The following CDYL2 variants were observed in gnomAD, a reference collection of about 807,000 sequenced individuals.
The protein encoded by CDYL2 is chromodomain Y-like protein 2.
In CDYL2, 23 loss-of-function variants were observed where a neutral mutation model predicts 49.4. The ratio of observed to expected loss-of-function variants is 0.47; its 90% CI spans 0.34 to 0.66. CDYL2 has a LOEUF of 0.66. Among genes scored for constraint, CDYL2 ranks in the 30% least tolerant of loss-of-function variants. The probability of loss-of-function intolerance (pLI) is 0.01; values close to 1 mark genes in which losing one functional copy is unlikely to be tolerated. For synonymous variants in CDYL2, 360 were observed against 268.8 expected, an observed-to-expected ratio of 1.34 and a Z score of -3.32; for missense variants, 678 against 656.4, an observed-to-expected ratio of 1.03 and a Z score of -0.36.
intron 2 of CDYL2, chr16:80,671,045 A>G (rs955988037): frequency 8.8e-6 from 4 of 454,698 alleles, no homozygotes; most frequent in African/African-American, 2.0e-5. Context: ...CCTCTATGGC[A>G]TCCCTGACCC....
chr16:80,742,814 A>AT (rs76397474), intron 1 of CDYL2, among the ~76,000 whole-genome samples: 127,496 of 151,054 alleles, frequency 0.84, 55,328 homozygotes, highest in Non-Finnish European at 0.95. Context: ...AGACAGATGT[A>AT]AAATGAAAGA....
At chr16:80,651,882 G>C (rs1192491101) in intron 2 of CDYL2, among the ~76,000 whole-genome samples, 2 of 152,206 alleles carry the variant, frequency 1.3e-5, no homozygotes, top group East Asian at 3.8e-4. Context: ...TAAGTAAATG[G>C]ATTGCAGATG....
chr16:80,734,324 T>C lies in CDYL2; in HGVS notation c.25-49195A>G, dbSNP rs151193520. On this transcript the variant is annotated intron_variant, in intron 1 of 6. Coordinates refer to ENST00000570137, the MANE Select transcript of CDYL2 (RefSeq NM_152342.4). ...TACATGGAGTAGGACTTCGGGGTCA[T>C]AATCATCTTTGTGTCTGTACCATGA... Among the ~76,000 whole-genome samples, 375 of 152,332 alleles carry C rather than the reference T, an allele frequency of 2.5e-3. 1 individual carries two copies. The highest frequency in any genetic ancestry group is 7.7e-3 in the South Asian group (37 of 4,824).
chr16:80,620,792 C>T lies in CDYL2; in HGVS notation c.978G>A (p.Lys326=), dbSNP rs1328392916. 1.2e-6 allele frequency: 2 copies of T among 1,609,664 alleles called. No homozygotes were observed. The highest frequency in any genetic ancestry group is 1.7e-5 in the Admixed American group (1 of 59,686). ...LIGRLSSDRR[K]ESTRIAEAIR... is the part of the protein sequence containing the mutation. Reference sequence around the variant, plus strand: ...TGGCTTCTGCAATCCGAGTGCTCTCCTTTCGCCGGTCGCTGGACAACCGGC... The same window carrying T: ...TGGCTTCTGCAATCCGAGTGCTCTCTTTTCGCCGGTCGCTGGACAACCGGC... Residue 326 remains lysine, a synonymous_variant, in exon 4 of 7, where the codon AAG becomes AAA. Transcript: ENST00000570137.
intron 1 of CDYL2, among the ~76,000 whole-genome samples, chr16:80,769,740 C>G (rs937238928): frequency 6.6e-6 from 1 of 151,836 alleles, no homozygotes; most frequent in Non-Finnish European, 1.5e-5. Context: ...TTTATAGAGA[C>G]GATAAAACTA....
chr16:80,639,766 A>G (rs1054832549), intron 2 of CDYL2: 1 of 455,742 alleles, frequency 2.2e-6, no homozygotes, highest in Admixed American at 2.4e-5. Flanking sequence ...CCTCCCCCTG[A>G]AGCAGTAGTG....
intron 5 of CDYL2, among the ~76,000 whole-genome samples, chr16:80,609,197 A>C (rs1906483390): frequency 6.6e-6 from 1 of 152,218 alleles, no homozygotes; most frequent in Non-Finnish European, 1.5e-5. Flanking sequence ...TCCTGCACAG[A>C]CAGAGAACAT....
intron 3 of CDYL2, among the ~76,000 whole-genome samples, chr16:80,625,694 C>T (rs1448741755): frequency 6.6e-6 from 1 of 152,118 alleles, no homozygotes; most frequent in African/African-American, 2.4e-5. Flanking sequence ...CAAAGCAAAA[C>T]CTTAAATACA....
chr16:80,740,859 G>C (rs960278456), intron 1 of CDYL2, among the ~76,000 whole-genome samples: 4 of 150,468 alleles, frequency 2.7e-5, no homozygotes, highest in African/African-American at 9.8e-5. Context: ...AAAAAAAAGA[G>C]GTTTTACCAA....
At chr16:80,691,201 C>G (rs1371627240) in intron 1 of CDYL2, among the ~76,000 whole-genome samples, 48 of 152,208 alleles carry the variant, frequency 3.2e-4, no homozygotes, top group Non-Finnish European at 1.5e-5. Context: ...TTTCTTTCTG[C>G]ATCCTTTCAA....
At chr16:80,721,629 T>C (rs1905002104) in intron 1 of CDYL2, among the ~76,000 whole-genome samples, 1 of 152,210 alleles carries the variant, frequency 6.6e-6, no homozygotes, top group Non-Finnish European at 1.5e-5. Context: ...ATCCACCATA[T>C]TCCACTGATT....
chr16:80,756,623 T>TA (rs961600000), intron 1 of CDYL2, among the ~76,000 whole-genome samples: 1 of 151,992 alleles, frequency 6.6e-6, no homozygotes, highest in African/African-American at 2.4e-5. Context: ...CAGACGACAG[T>TA]AAAAAAAGGA....
chr16:80,699,608 A>T (rs1320436251), intron 1 of CDYL2, among the ~76,000 whole-genome samples: 4 of 152,240 alleles, frequency 2.6e-5, no homozygotes, highest in Non-Finnish European at 5.9e-5. Flanking sequence ...CAGCACTGTA[A>T]GGTGAATATA....
chr16:80,677,113 G>A (rs998933540), intron 2 of CDYL2, among the ~76,000 whole-genome samples: 2 of 151,886 alleles, frequency 1.3e-5, no homozygotes, highest in African/African-American at 4.8e-5. Flanking sequence ...TGGGACTACA[G>A]GCATGTGCCA....
At chr16:80,745,919 A>G (rs1276453417) in intron 1 of CDYL2, among the ~76,000 whole-genome samples, 1 of 152,146 alleles carries the variant, frequency 6.6e-6, no homozygotes, top group East Asian at 1.9e-4. Flanking sequence ...AAGAAGTAAC[A>G]CGTGGCCGCG....
At chr16:80,637,682 C>T (rs1597140241) in intron 2 of CDYL2, among the ~76,000 whole-genome samples, 1 of 151,994 alleles carries the variant, frequency 6.6e-6, no homozygotes. Context: ...TTTTAATATT[C>T]AATAGTACAA....
At chr16:80,611,047 G>A (rs1320469219) in intron 5 of CDYL2, among the ~76,000 whole-genome samples, 2 of 152,082 alleles carry the variant, frequency 1.3e-5, no homozygotes, top group Non-Finnish European at 2.9e-5. Flanking sequence ...TCAACCCAGG[G>A]CCTGCCAGGC....
chr16:80,655,085 C>A (rs761780593), intron 2 of CDYL2, among the ~76,000 whole-genome samples: 29 of 152,194 alleles, frequency 1.9e-4, no homozygotes, highest in Non-Finnish European at 1.8e-4. Context: ...ACCAGATGCC[C>A]AGAGCCTGGG....
intron 2 of CDYL2, among the ~76,000 whole-genome samples, chr16:80,651,851 T>A (rs765541837): frequency 6.6e-6 from 1 of 152,194 alleles, no homozygotes; most frequent in Non-Finnish European, 1.5e-5. Flanking sequence ...CTGTTATACT[T>A]GTATACTGGA....
Sources: gnomAD v4.1 joint callset for allele counts (sites outside exome capture counted in the v4.1 genomes callset) on GRCh38, gnomAD v4.1.1 for gene constraint, MANE v1.5 for transcripts, NCBI Gene and HGNC (gene_info 2026-07-23, HGNC 2026-07-21) for gene names.